Variants in TMEM255A observed in about 807,000 individuals in gnomAD.
The protein encoded by TMEM255A is family with sequence similarity 70, member A.
TMEM255A carries 14 observed loss-of-function variants against 23.5 expected under a neutral mutation model. The observed-to-expected ratio is 0.60, with a 90% CI of 0.39 to 0.93. The LOEUF (loss-of-function observed/expected upper bound fraction) is 0.93, where lower values mean the gene tolerates loss of function less well. Among genes scored for constraint, TMEM255A ranks in the 40% least tolerant of loss-of-function variants. TMEM255A has a pLI of 0.00. For missense variants in TMEM255A, 233 were observed against 261.7 expected, an observed-to-expected ratio of 0.89 and a Z score of 0.76; for synonymous variants, 104 against 100.3, an observed-to-expected ratio of 1.04 and a Z score of -0.22.
downstream of TMEM255A, chrX:120,254,793 G>C (rs782191030): frequency 1.9e-5 from 23 of 1,210,187 alleles, no homozygotes; most frequent in Non-Finnish European, 1.9e-5. Flanking sequence ...GGCCAGACTT[G>C]AGAATGAAAT....
downstream of TMEM255A, chrX:120,253,739 AG>A: frequency 8.3e-7 from 1 of 1,211,783 alleles, no homozygotes; most frequent in Non-Finnish European, 1.1e-6. Context: ...GGCAGTTATT[AG>A]GAGTGAAATT....
At chrX:120,304,651 T>C (rs1556026668) in intron 1 of TMEM255A, among the ~76,000 whole-genome samples, 160 bp from the exon 2 acceptor site, 1 of 111,714 alleles carries the variant, frequency 9.0e-6, no homozygotes, top group African/African-American at 3.3e-5. Context: ...GGATAGAGCA[T>C]TATTTTTTGT....
In TMEM255A at chrX:120,260,682, G is replaced by A. The variant is rs2057672114; in HGVS notation, c.*188C>T. The A allele has an allele frequency of 1.9e-6, 1 of 514,656 alleles. No individual in the cohort carries two copies. Among genetic ancestry groups the A allele is most frequent in the Non-Finnish European group, 2.9e-6 (1 of 340,109 alleles). 42.4% of individuals were successfully genotyped at this position (514,656 alleles called of 1,213,427 possible). ...AATGTGAGCTGCCCTTCTGTGCTGC[G>A]TTCAGCCTGACCACCCCTGCTCTGC... On this transcript the variant is annotated 3_prime_UTR_variant, in exon 9 of 9. Coordinates refer to ENST00000371369, the MANE Select transcript of TMEM255A (RefSeq NM_001104544.3).
At chrX:120,277,116 A>G (rs2057804611) in intron 6 of TMEM255A, 69 bp from the exon 7 acceptor site, 1 of 992,762 alleles carries the variant, frequency 1.0e-6, no homozygotes, top group Non-Finnish European at 1.4e-6. Flanking sequence ...CCCCTCCCCA[A>G]CTCTGGGATT....
intron 6 of TMEM255A, among the ~76,000 whole-genome samples, chrX:120,278,491 G>C (rs1337670811): frequency 3.6e-5 from 4 of 111,948 alleles, no homozygotes; most frequent in Non-Finnish European, 7.5e-5. Flanking sequence ...GGCAGGAACT[G>C]GTTCATTTTG....
chrX:120,309,034 C>T (rs979746230), intron 1 of TMEM255A, among the ~76,000 whole-genome samples: 1 of 112,714 alleles, frequency 8.9e-6, no homozygotes, highest in Admixed American at 9.3e-5. Flanking sequence ...CTCTTCCCCC[C>T]ACGCAAGGGA....
Position 120,304,480 on chromosome X carries a change from G to A in TMEM255A, c.70C>T (p.Arg24Trp). The change falls in exon 2 of 9, where the codon CGG becomes TGG. Residue 24 changes from arginine to tryptophan, a missense_variant. By Grantham distance (101) the Arg-to-Trp change is moderately radical. Transcript: ENST00000371369. ...ACATAGATGGAGTTTCGTTTCCTCCGATTGAATGCTCCTGAAAGCACAGAG... is the reference window on the plus strand; with the variant it reads ...ACATAGATGGAGTTTCGTTTCCTCCAATTGAATGCTCCTGAAAGCACAGAG... The part of the protein sequence containing the change: ...SLPDSMGAFN[R>W]RKRNSIYVTV... 2 of 1,209,084 alleles carry A rather than the reference G, an allele frequency of 1.7e-6. No individual in the cohort carries two copies. The highest frequency in any genetic ancestry group is 2.2e-6 in the Non-Finnish European group (2 of 894,144).
rs782499323 is a variant in TMEM255A, at chrX:120,271,134, T to C, written c.676-2747A>G. ...TACTTCCCTTGCTCTCCTTCCGTAC[T>C]GTCAAAGAAGCTCCCAACAGGTGGA... On this transcript the variant is annotated intron_variant, in intron 7 of 8. Transcript: ENST00000371369. Among the ~76,000 whole-genome samples, 4 of 111,964 alleles carry C rather than the reference T, an allele frequency of 3.6e-5. No individual in the cohort carries two copies. The South Asian group carries it at 1.1e-3, about 31-fold the overall frequency.
chrX:120,311,010 T>G (rs1428808272), intron 1 of TMEM255A, among the ~76,000 whole-genome samples: 1 of 109,819 alleles, frequency 9.1e-6, no homozygotes, highest in African/African-American at 3.3e-5. Context: ...ACACCCGCAC[T>G]CCGGGGCAGA....
At chrX:120,281,058 G>A (rs782125377) in intron 6 of TMEM255A, among the ~76,000 whole-genome samples, 52 of 112,154 alleles carry the variant, frequency 4.6e-4, no homozygotes, top group Non-Finnish European at 9.0e-4. Flanking sequence ...TGTTGGTAGC[G>A]TATCAGTGCT....
chrX:120,254,096 A>G (rs1556014842), downstream of TMEM255A: 52 of 1,211,561 alleles, frequency 4.3e-5, no homozygotes, highest in Non-Finnish European at 5.8e-5. Context: ...TTGCTATTTC[A>G]GATGTTGCAC....
chrX:120,291,971 G>A (rs1276122425), intron 3 of TMEM255A, among the ~76,000 whole-genome samples: 9 of 111,116 alleles, frequency 8.1e-5, no homozygotes, highest in Admixed American at 1.9e-4. Context: ...ACAAAGGATT[G>A]AAGTCTCTGA....
At chrX:120,270,798 C>T (rs1369948226) in intron 7 of TMEM255A, among the ~76,000 whole-genome samples, 1 of 110,717 alleles carries the variant, frequency 9.0e-6, no homozygotes, top group Non-Finnish European at 1.9e-5. Flanking sequence ...TCAGCCAGCA[C>T]CCCCGGGCCT....
At chrX:120,289,970 G>T (rs1319929474) in intron 4 of TMEM255A, among the ~76,000 whole-genome samples, 2 of 111,069 alleles carry the variant, frequency 1.8e-5, no homozygotes, top group African/African-American at 6.5e-5. Context: ...TCTAGAATAG[G>T]GATACCTTAC....
intron 2 of TMEM255A, among the ~76,000 whole-genome samples, chrX:120,296,761 T>A (rs1162891636): frequency 9.9e-5 from 1 of 10,068 alleles, no homozygotes; most frequent in Non-Finnish European, 1.3e-4. Flanking sequence ...TTATATATTA[T>A]ATATATTAAA....
In TMEM255A at chrX:120,268,365, T is replaced by C; in HGVS notation, c.698A>G (p.Asn233Ser). 8.3e-7 allele frequency: 1 copy of C among 1,207,073 alleles called. No homozygotes were observed. The highest frequency in any genetic ancestry group is 1.1e-6 in the Non-Finnish European group (1 of 893,824). ...TGGATGGGTATTTTCAACAGAACAG[T>C]TCAGTGCTGGGAGAGTTGGGTTCTG... ...KDMNPTLPAL[N>S]CSVENTHPTV... The change falls in exon 8 of 9, where the codon AAC becomes AGC. Residue 233 changes from asparagine to serine, a missense_variant. Transcript: ENST00000371369.
intron 5 of TMEM255A, among the ~76,000 whole-genome samples, chrX:120,286,747 C>T (rs1307239465): frequency 5.4e-5 from 6 of 111,862 alleles, no homozygotes; most frequent in Non-Finnish European, 1.1e-4. Context: ...GCTCTGCCTC[C>T]GTAGTTCAGG....
the TMEM255A span, among the ~76,000 whole-genome samples, chrX:120,252,073 T>A: frequency 8.9e-6 from 1 of 112,387 alleles, no homozygotes; most frequent in Non-Finnish European, 1.9e-5. Flanking sequence ...ACTGTTAACA[T>A]GCAACACCTT....
intron 8 of TMEM255A, among the ~76,000 whole-genome samples, chrX:120,265,313 C>G (rs2057709323): frequency 8.9e-6 from 1 of 111,902 alleles, no homozygotes; most frequent in Non-Finnish European, 1.9e-5. Context: ...AAATCTTACC[C>G]CCTCAAGACT....
Sources: allele counts gnomAD v4.1 joint callset (sites outside exome capture counted in the v4.1 genomes callset), GRCh38; gene constraint gnomAD v4.1.1; transcripts MANE v1.5; gene names NCBI Gene and HGNC (gene_info 2026-07-23, HGNC 2026-07-21).